The following CTNNA3 variants were observed in gnomAD, a reference collection of about 807,000 sequenced individuals.
The protein encoded by CTNNA3 is catenin alpha-3.
In CTNNA3, 76 loss-of-function variants were observed where a neutral mutation model predicts 95.7. The ratio of observed to expected loss-of-function variants is 0.79; its 90% CI spans 0.66 to 0.96. CTNNA3 has a LOEUF of 0.96. CTNNA3 is among the 40% of genes least tolerant of loss of function. The probability of loss-of-function intolerance (pLI) is 0.00; values close to 1 mark genes in which losing one functional copy is unlikely to be tolerated. For synonymous variants in CTNNA3, 431 were observed against 374.4 expected, an observed-to-expected ratio of 1.15 and a Z score of -1.74; for missense variants, 1,191 against 1,089.8, an observed-to-expected ratio of 1.09 and a Z score of -1.31.
chr10:67,746,368 T>C (rs562247054), intron 1 of CTNNA3, among the ~76,000 whole-genome samples: 18 of 152,112 alleles, frequency 1.2e-4, no homozygotes, highest in African/African-American at 4.3e-4. Flanking sequence ...GGGATAACTA[T>C]ATGCACATGA....
At chr10:66,191,473 G>A (rs2131885750) in intron 13 of CTNNA3, among the ~76,000 whole-genome samples, 2 of 152,106 alleles carry the variant, frequency 1.3e-5, no homozygotes, top group Admixed American at 1.3e-4. Context: ...TCTTCAAAAA[G>A]GCCTAATCAT....
At chr10:66,608,788 T>C (rs1243751781) in intron 10 of CTNNA3, among the ~76,000 whole-genome samples, 4 of 152,054 alleles carry the variant, frequency 2.6e-5, no homozygotes, top group African/African-American at 9.6e-5. Context: ...AAAAATTAAT[T>C]CAAAATGGAT....
intron 10 of CTNNA3, among the ~76,000 whole-genome samples, chr10:66,573,242 T>C (rs1842920190): frequency 6.6e-6 from 1 of 152,182 alleles, no homozygotes; most frequent in Admixed American, 6.5e-5. Context: ...GTGTTAGGCC[T>C]AGCCGAATAT....
At chr10:67,661,896 A>G (rs549760121) in intron 1 of CTNNA3, among the ~76,000 whole-genome samples, 2 of 152,352 alleles carry the variant, frequency 1.3e-5, no homozygotes, top group Admixed American at 1.3e-4. Flanking sequence ...GAGCTAGCAA[A>G]GATGAGAAAC....
intron 7 of CTNNA3, among the ~76,000 whole-genome samples, chr10:66,931,002 G>A (rs531113693): frequency 6.0e-4 from 91 of 151,946 alleles, no homozygotes; most frequent in African/African-American, 2.0e-3. Context: ...ATTTTAAAAC[G>A]CCAACTGCCA....
chr10:66,139,623 A>G (rs1392658841), intron 13 of CTNNA3, among the ~76,000 whole-genome samples: 1 of 152,084 alleles, frequency 6.6e-6, no homozygotes, highest in Non-Finnish European at 1.5e-5. Context: ...CTTTTCTCCT[A>G]TATGTATTTT....
chr10:66,842,916 C>T lies in CTNNA3; in HGVS notation c.1048-67392G>A, dbSNP rs551421368. Among the ~76,000 whole-genome samples, 207 of 152,174 alleles carry T rather than the reference C, an allele frequency of 1.4e-3. 1 individual carries two copies. Among genetic ancestry groups the T allele is most frequent in the African/African-American group, 4.6e-3 (193 of 41,522 alleles). On this transcript the variant is annotated intron_variant, in intron 7 of 17. Transcript: ENST00000433211. ...GATATGGCTGACTCAAACCAGGAAGCGCTTGGCTAAAATAAGGTGCACCAA... is the reference window on the plus strand; with the variant it reads ...GATATGGCTGACTCAAACCAGGAAGTGCTTGGCTAAAATAAGGTGCACCAA...
chr10:67,089,340 C>T (rs1857492787), intron 7 of CTNNA3, among the ~76,000 whole-genome samples: 1 of 152,040 alleles, frequency 6.6e-6, no homozygotes, highest in Admixed American at 6.6e-5. Context: ...AACATAAATT[C>T]AGGCTCTTAA....
chr10:66,868,472 G>C (rs1045745496), intron 7 of CTNNA3, among the ~76,000 whole-genome samples: 1 of 151,888 alleles, frequency 6.6e-6, no homozygotes, highest in East Asian at 1.9e-4. Context: ...GTCAAACAAG[G>C]CCAGGCACAG....
intron 9 of CTNNA3, among the ~76,000 whole-genome samples, chr10:66,746,712 A>G (rs1208682193): frequency 1.3e-5 from 2 of 150,694 alleles, no homozygotes; most frequent in African/African-American, 2.5e-5. Context: ...TGTGGTAGAG[A>G]GAGAGAGAGA....
At chr10:66,929,363 G>A (rs1847244103) in intron 7 of CTNNA3, among the ~76,000 whole-genome samples, 1 of 152,204 alleles carries the variant, frequency 6.6e-6, no homozygotes, top group African/African-American at 2.4e-5. Flanking sequence ...GAGCTTACCA[G>A]AATTTCTCTT....
chr10:67,439,506 C>T (rs969820570), intron 5 of CTNNA3, among the ~76,000 whole-genome samples: 1 of 152,140 alleles, frequency 6.6e-6, no homozygotes, highest in Admixed American at 6.5e-5. Flanking sequence ...AACCAGACCT[C>T]ATGAGAACTC....
At chr10:66,066,322 T>C (rs1164900876) in intron 15 of CTNNA3, among the ~76,000 whole-genome samples, 2 of 152,306 alleles carry the variant, frequency 1.3e-5, no homozygotes, top group African/African-American at 4.8e-5. Flanking sequence ...ATAATCATTA[T>C]TTAAACCCAT....
At chr10:66,906,758 A>AT (rs555313489) in intron 7 of CTNNA3, among the ~76,000 whole-genome samples, 15 of 150,356 alleles carry the variant, frequency 1.0e-4, no homozygotes, top group South Asian at 2.1e-4. Flanking sequence ...GCATTATAGC[A>AT]TTTTTTTTTA....
rs563023521 is a variant in CTNNA3, at chr10:66,393,032, G to A, written c.1532-13680C>T. ...AGTAGATGAATGGATAAACTGGAAC[G>A]CTCAGTCAATGGAATGTACAAAAAG... On this transcript the variant is annotated intron_variant, in intron 11 of 17. Transcript: ENST00000433211. Among the ~76,000 whole-genome samples the A allele has an allele frequency of 5.9e-5, 9 of 152,006 alleles. No homozygotes were observed. In the East Asian group the frequency reaches 7.7e-4, roughly 13 times the overall value.
In CTNNA3 at chr10:67,659,846, A is replaced by C. The variant is rs373003332; in HGVS notation, c.-5-12328T>G. ...TTCTCGTAAGGTCTGATATTTTTAA[A>C]AAGCAGAGAACAAAAAGAGAATGGC... On this transcript the variant is annotated intron_variant, in intron 1 of 17. Transcript: ENST00000433211. Among the ~76,000 whole-genome samples, 36 of 152,364 alleles carry C rather than the reference A, an allele frequency of 2.4e-4. No individual in the cohort carries two copies. The East Asian group carries it at 5.4e-3, about 23-fold the overall frequency.
In CTNNA3 at chr10:67,208,068, T is replaced by C. The variant is rs576743924; in HGVS notation, c.843+11539A>G. ...ATATTCTAAAAGAGATTCAAATGTT[T>C]ATCATAGCTATAAGAACAGCCAGGC... is the stretch of plus-strand genomic sequence containing the variant. On this transcript the variant is annotated intron_variant, in intron 6 of 17. Transcript: ENST00000433211. 2.9e-4 allele frequency among the ~76,000 whole-genome samples: 44 copies of C among 152,250 alleles called. 1 individual carries two copies. The highest frequency in any genetic ancestry group is 9.4e-4 in the African/African-American group (39 of 41,560).
At chr10:65,950,968 C>A (rs2077600614) in intron 17 of CTNNA3, among the ~76,000 whole-genome samples, 1 of 152,070 alleles carries the variant, frequency 6.6e-6, no homozygotes, top group South Asian at 2.1e-4. Flanking sequence ...CAAAACAGAT[C>A]ACTGCCATTT....
chr10:67,521,491 C>T (rs1057267152), intron 5 of CTNNA3, among the ~76,000 whole-genome samples: 4 of 152,258 alleles, frequency 2.6e-5, no homozygotes, highest in South Asian at 2.1e-4. Context: ...TGATTTTTCT[C>T]CCCAGGTCAA....
Sources: gnomAD v4.1 joint callset for allele counts (sites outside exome capture counted in the v4.1 genomes callset) on GRCh38, gnomAD v4.1.1 for gene constraint, MANE v1.5 for transcripts, NCBI Gene and HGNC (gene_info 2026-07-23, HGNC 2026-07-21) for gene names.